SLC8A1: variants seen among roughly 807,000 people sequenced by gnomAD.
The protein encoded by SLC8A1 is sodium/calcium exchanger 1.
Under a neutral mutation model 68.3 loss-of-function variants are expected in SLC8A1, and 18 were observed. The ratio of observed to expected loss-of-function variants is 0.26; its 90% confidence interval spans 0.18 to 0.39. The LOEUF is 0.39. SLC8A1 is among the 10% of genes least tolerant of loss of function. The pLI is 1.00. For synonymous variants in SLC8A1, 475 were observed against 415.5 expected (o/e 1.14, Z -1.74); for missense variants, 985 against 1,156.7 (o/e 0.85, Z 2.15).
At chr2:40,212,864 T>A (rs1167979203) in intron 2 of SLC8A1, among the ~76,000 whole-genome samples, 1 of 152,088 alleles carries the variant, frequency 6.6e-6, no homozygotes, top group Admixed American at 6.6e-5. Context: ...AGTTGAGGAG[T>A]CCTATGTGTA....
At chr2:40,390,715 T>TA (rs1684988545) in intron 2 of SLC8A1, among the ~76,000 whole-genome samples, 1 of 152,138 alleles carries the variant, frequency 6.6e-6, no homozygotes, top group Non-Finnish European at 1.5e-5. Flanking sequence ...ATGTTTTTTT[T>TA]AACAACCCGA....
At chr2:40,148,538 A>G (rs971307159) in intron 6 of SLC8A1, among the ~76,000 whole-genome samples, 1 of 152,156 alleles carries the variant, frequency 6.6e-6, no homozygotes, top group Non-Finnish European at 1.5e-5. Flanking sequence ...AAGTGATGGC[A>G]GTTGCTCAAG....
In SLC8A1 at chr2:40,167,592, A is replaced by T. The variant is rs575884083; in HGVS notation, c.1931-2608T>A. Among the ~76,000 whole-genome samples the T allele has an allele frequency of 5.4e-4, 83 of 152,334 alleles. 1 individual carries two copies. Among genetic ancestry groups the T allele is most frequent in the African/African-American group, 1.8e-3 (76 of 41,584 alleles). On this transcript the variant is annotated intron_variant, in intron 4 of 7. Transcript: ENST00000406785. Reference sequence around the variant, plus strand: ...AAAAACAGTAAGGCACACTGTTTCTATCATTTGCTACACTCTTGCTTCAAA... The same window carrying T: ...AAAAACAGTAAGGCACACTGTTTCTTTCATTTGCTACACTCTTGCTTCAAA...
intron 1 of SLC8A1, among the ~76,000 whole-genome samples, chr2:40,498,242 A>G (rs1219590377): frequency 6.6e-6 from 1 of 152,118 alleles, no homozygotes; most frequent in Non-Finnish European, 1.5e-5. Flanking sequence ...TGGACGGTGA[A>G]CAATAAACAT....
chr2:40,437,940 C>A (rs373795092), intron 1 of SLC8A1, among the ~76,000 whole-genome samples: 2 of 152,054 alleles, frequency 1.3e-5, no homozygotes, highest in Non-Finnish European at 2.9e-5. Context: ...AAACCAGGAC[C>A]CTTCCATTAC....
intron 1 of SLC8A1, among the ~76,000 whole-genome samples, chr2:40,437,561 A>C (rs1699679316): frequency 6.6e-6 from 1 of 152,152 alleles, no homozygotes; most frequent in South Asian, 2.1e-4. Context: ...AGCAAGCAAA[A>C]CTAAAATAAA....
intron 2 of SLC8A1, among the ~76,000 whole-genome samples, chr2:40,361,448 G>A (rs762814846): frequency 3.3e-4 from 49 of 146,304 alleles, no homozygotes; most frequent in Non-Finnish European, 4.3e-4. Flanking sequence ...CACATTAGTA[G>A]AGCTCCTGAA....
At chr2:40,328,785 T>C (rs2076110118) in intron 2 of SLC8A1, among the ~76,000 whole-genome samples, 1 of 152,110 alleles carries the variant, frequency 6.6e-6, no homozygotes, top group Non-Finnish European at 1.5e-5. Flanking sequence ...TTTCCTCCTA[T>C]TGTAGGTGAT....
intron 2 of SLC8A1, among the ~76,000 whole-genome samples, chr2:40,416,112 G>T (rs1333588566): frequency 6.8e-6 from 1 of 147,798 alleles, no homozygotes; most frequent in South Asian, 2.2e-4. Flanking sequence ...CAAGCACAGA[G>T]ATGTTCAAAT....
rs1245754801 is a variant in SLC8A1, at chr2:40,249,573, T to G, written c.1809-71718A>C. ...TTCTCTTCTCCCAATTCACACCATATTTAGAAGCACTATTCTAGATGATTC... is the reference window on the plus strand; with the variant it reads ...TTCTCTTCTCCCAATTCACACCATAGTTAGAAGCACTATTCTAGATGATTC... On this transcript the variant is annotated intron_variant, in intron 2 of 7. Coordinates refer to ENST00000406785, the Ensembl canonical transcript of SLC8A1. Among the ~76,000 whole-genome samples the G allele has an allele frequency of 5.3e-5, 8 of 152,342 alleles. No homozygotes were observed. In the East Asian group the frequency reaches 1.3e-3, roughly 26 times the overall value.
intron 2 of SLC8A1, among the ~76,000 whole-genome samples, chr2:40,190,959 T>G (rs1335563456): frequency 2.0e-5 from 3 of 151,702 alleles, no homozygotes; most frequent in Non-Finnish European, 4.4e-5. Context: ...GTTTTCCCCT[T>G]AGAAAATCTA....
intron 2 of SLC8A1, among the ~76,000 whole-genome samples, chr2:40,239,679 C>G (rs1405756163): frequency 6.6e-6 from 1 of 151,748 alleles, no homozygotes; most frequent in Non-Finnish European, 1.5e-5. Flanking sequence ...GACTCTGTCT[C>G]AAAAAAACAA....
chr2:40,266,043 T>C (rs2065316581), intron 2 of SLC8A1, among the ~76,000 whole-genome samples: 1 of 152,130 alleles, frequency 6.6e-6, no homozygotes, highest in African/African-American at 2.4e-5. Context: ...ACTTCAACAA[T>C]GGGAGAATGA....
chr2:40,313,008 C>A (rs757358046), intron 2 of SLC8A1, among the ~76,000 whole-genome samples: 18 of 151,856 alleles, frequency 1.2e-4, no homozygotes, highest in Admixed American at 2.0e-4. Flanking sequence ...GCATATACTA[C>A]GTATATACAC....
intron 2 of SLC8A1, among the ~76,000 whole-genome samples, chr2:40,248,977 G>T (rs369251): frequency 0.8 from 122,338 of 152,088 alleles, 49,918 homozygotes; most frequent in Middle Eastern, 0.88. Context: ...GGCAGAATAA[G>T]TTTTATTTCT....
intron 2 of SLC8A1, among the ~76,000 whole-genome samples, chr2:40,212,481 C>T (rs553301409): frequency 1.2e-4 from 18 of 152,046 alleles, no homozygotes; most frequent in Admixed American, 5.2e-4. Flanking sequence ...GACGGGGCTT[C>T]GCCATGTTGG....
rs369252576 is a variant in SLC8A1, at chr2:40,179,852, C to T, written c.1809-1997G>A. Among the ~76,000 whole-genome samples, 235 of 152,252 alleles carry T rather than the reference C, an allele frequency of 1.5e-3. 1 individual carries two copies. The highest frequency in any genetic ancestry group is 3.1e-3 in the Non-Finnish European group (209 of 68,010). Reference sequence around the variant, plus strand: ...GCTTTTAATTCTCTGAATTTCCCAGCGCCTAATGCCAAATGCTTAAGTCTT... The same window carrying T: ...GCTTTTAATTCTCTGAATTTCCCAGTGCCTAATGCCAAATGCTTAAGTCTT... On this transcript the variant is annotated intron_variant, in intron 2 of 7. Coordinates refer to ENST00000406785, the Ensembl canonical transcript of SLC8A1.
chr2:40,301,546 G>A (rs2071453269), intron 2 of SLC8A1, among the ~76,000 whole-genome samples: 1 of 148,586 alleles, frequency 6.7e-6, no homozygotes, highest in African/African-American at 2.5e-5. Flanking sequence ...AAGCTATGAG[G>A]ATGCAAAGGC....
At chr2:40,174,999 C>T (rs1573576228) in intron 3 of SLC8A1, among the ~76,000 whole-genome samples, 157 bp from the exon 5 acceptor site, 1 of 152,046 alleles carries the variant, frequency 6.6e-6, no homozygotes. Context: ...AATCACTAAT[C>T]GTTCTTTTAA....
Sources: gnomAD v4.1 joint callset for allele counts (sites outside exome capture counted in the v4.1 genomes callset) on GRCh38, gnomAD v4.1.1 for gene constraint, MANE v1.5 for transcripts, NCBI Gene and HGNC (gene_info 2026-07-23, HGNC 2026-07-21) for gene names.